Variants in ANKRD30BL observed in about 807,000 individuals in gnomAD.
ANKRD30BL encodes the protein ankyrin repeat domain 30B like.
A neutral mutation model predicts 18.4 loss-of-function variants in ANKRD30BL; 20 were observed. That is an observed-to-expected ratio of 1.09 (90% CI 0.77 to 1.58). The LOEUF (loss-of-function observed/expected upper bound fraction) is 1.58, where lower values mean the gene tolerates loss of function less well. Among genes scored for constraint, ANKRD30BL ranks in the 40% most tolerant of loss-of-function variants. The pLI is 0.00. For missense variants in ANKRD30BL, 224 were observed against 268.6 expected, an observed-to-expected ratio of 0.83 and a Z score of 1.16; for synonymous variants, 72 against 100.9, an observed-to-expected ratio of 0.71 and a Z score of 1.72.
intron 1 of ANKRD30BL, among the ~76,000 whole-genome samples, chr2:132,184,257 T>C (rs1688526321): frequency 6.6e-6 from 1 of 152,180 alleles, no homozygotes; most frequent in Non-Finnish European, 1.5e-5. Context: ...GTGTCTGCGA[T>C]AATATTTTGT....
chr2:132,177,202 G>A (rs2104944975), intron 1 of ANKRD30BL, among the ~76,000 whole-genome samples: 1 of 151,862 alleles, frequency 6.6e-6, no homozygotes, highest in East Asian at 1.9e-4. Context: ...TCACCCAGGT[G>A]GAGTGCAATG....
chr2:132,211,325 C>T (rs78447815), intron 1 of ANKRD30BL, among the ~76,000 whole-genome samples: 1 of 151,914 alleles, frequency 6.6e-6, no homozygotes, highest in East Asian at 2.0e-4. Context: ...AGTTTTGAAA[C>T]ACTCTTTATG....
chr2:132,221,868 G>T (rs1354880695), intron 1 of ANKRD30BL, among the ~76,000 whole-genome samples: 1 of 123,050 alleles, frequency 8.1e-6, no homozygotes, highest in South Asian at 2.4e-4. Context: ...GGAGGGGGGA[G>T]GGGGAGTCAG....
At chr2:132,238,431 G>T (rs1680221382) in intron 1 of ANKRD30BL, among the ~76,000 whole-genome samples, 1 of 151,802 alleles carries the variant, frequency 6.6e-6, no homozygotes, top group Admixed American at 6.6e-5. Context: ...TGCCTTCTCT[G>T]GGAACGGGTA....
intron 1 of ANKRD30BL, among the ~76,000 whole-genome samples, chr2:132,175,470 A>C (rs925371911): frequency 1.3e-5 from 2 of 152,378 alleles, no homozygotes; most frequent in African/African-American, 4.8e-5. Flanking sequence ...AGAATTGAAC[A>C]AATGTAAAAT....
intron 1 of ANKRD30BL, among the ~76,000 whole-genome samples, chr2:132,254,335 G>C (rs1053803780): frequency 2.0e-5 from 3 of 152,154 alleles, no homozygotes; most frequent in East Asian, 1.9e-4. Context: ...CCGTGGCTTC[G>C]CTCTTCTCTG....
At chr2:132,201,739 C>A (rs1679103234) in intron 1 of ANKRD30BL, among the ~76,000 whole-genome samples, 1 of 152,182 alleles carries the variant, frequency 6.6e-6, no homozygotes, top group Non-Finnish European at 1.5e-5. Context: ...TGTGGTGATT[C>A]CTCAGAGATC....
At chr2:132,150,615 A>T (rs2104915797) in intron 5 of ANKRD30BL, among the ~76,000 whole-genome samples, 1 of 152,032 alleles carries the variant, frequency 6.6e-6, no homozygotes, top group Admixed American at 6.5e-5. Flanking sequence ...TAAACTTAAA[A>T]ATTGTTTTAC....
At chr2:132,161,296 C>T (rs968602841) in intron 1 of ANKRD30BL, among the ~76,000 whole-genome samples, 192 bp downstream of exon 1, 1 of 152,142 alleles carries the variant, frequency 6.6e-6, no homozygotes, top group African/African-American at 2.4e-5. Context: ...TGCAGGGCGC[C>T]CTCATCCAAG....
intron 1 of ANKRD30BL, among the ~76,000 whole-genome samples, chr2:132,190,967 CAACTT>C (rs1159022102): frequency 3.9e-5 from 6 of 152,068 alleles, no homozygotes; most frequent in Middle Eastern, 3.4e-3. Flanking sequence ...TTTTAAAAGT[CAACTT>C]AACTGAGGTT....
chr2:132,157,365 C>T lies in ANKRD30BL; in HGVS notation c.277G>A (p.Asp93Asn). Residue 93 changes from aspartate (D) to asparagine (N), a missense_variant, in exon 2 of 6, where the codon GAT becomes AAT. Coordinates refer to ENST00000409867, the MANE Select transcript of ANKRD30BL (RefSeq NM_001358416.1). ...AGGACGTCAAGCTGACACTTTCTAT[C>T]TACCAGAAGTGTTACTACTTCTGCA... is the stretch of plus-strand genomic sequence containing the variant. ...GHAEVVTLLVDRKCQLDVLDG... is the reference protein window; with the variant it reads ...GHAEVVTLLVNRKCQLDVLDG... 1.3e-6 allele frequency: 1 copy of T among 752,282 alleles called. No homozygotes were observed. Among genetic ancestry groups the T allele is most frequent in the East Asian group, 2.5e-5 (1 of 39,682 alleles). The allele number at this position is 752,282 out of a possible 1,614,324, so 46.6% of individuals were successfully genotyped here.
intron 1 of ANKRD30BL, among the ~76,000 whole-genome samples, chr2:132,190,024 C>G (rs1678813057): frequency 6.6e-6 from 1 of 151,832 alleles, no homozygotes; most frequent in Non-Finnish European, 1.5e-5. Context: ...GTTAACAAAT[C>G]TTGAAGTCTG....
intron 1 of ANKRD30BL, among the ~76,000 whole-genome samples, chr2:132,220,684 G>A (rs1679649976): frequency 6.6e-6 from 1 of 152,148 alleles, no homozygotes; most frequent in Non-Finnish European, 1.5e-5. Context: ...GGCCAAGGCT[G>A]GAGTGCAGTG....
At chr2:132,166,428 A>T (rs576883968), upstream of ANKRD30BL, among the ~76,000 whole-genome samples, 75 of 122,320 alleles carry the variant, frequency 6.1e-4, 1 homozygote, top group East Asian at 0.012. Flanking sequence ...GCCTGGAAAC[A>T]TTGGGGGGGT....
intron 1 of ANKRD30BL, among the ~76,000 whole-genome samples, chr2:132,214,259 C>G (rs913986866): frequency 3.3e-5 from 5 of 152,030 alleles, no homozygotes; most frequent in Non-Finnish European, 5.9e-5. Context: ...AGTTTTGAAA[C>G]ACTCTTTTTG....
chr2:132,223,475 A>T (rs1474618882), intron 1 of ANKRD30BL, among the ~76,000 whole-genome samples: 3 of 152,140 alleles, frequency 2.0e-5, no homozygotes, highest in Non-Finnish European at 2.9e-5. Flanking sequence ...AGACAGAAGG[A>T]TTCTCAGAAA....
chr2:132,177,692 T>C (rs1355010285), intron 1 of ANKRD30BL, among the ~76,000 whole-genome samples: 2 of 152,248 alleles, frequency 1.3e-5, no homozygotes, highest in Non-Finnish European at 2.9e-5. Context: ...ATACTGGATT[T>C]CAATATAGCA....
chr2:132,187,507 G>C (rs1688588842), intron 1 of ANKRD30BL, among the ~76,000 whole-genome samples: 1 of 151,620 alleles, frequency 6.6e-6, no homozygotes, highest in African/African-American at 2.4e-5. Flanking sequence ...GTAGAGGCGG[G>C]TTTTCACCGT....
upstream of ANKRD30BL, among the ~76,000 whole-genome samples, chr2:132,162,724 G>T (rs62161668): frequency 0.048 from 5,494 of 113,786 alleles, no homozygotes; most frequent in African/African-American, 0.074. Flanking sequence ...GTAGCCGTGT[G>T]GCACACGCCC....
Sources: allele counts gnomAD v4.1 joint callset (sites outside exome capture counted in the v4.1 genomes callset), GRCh38; gene constraint gnomAD v4.1.1; transcripts MANE v1.5; gene names NCBI Gene and HGNC (gene_info 2026-07-23, HGNC 2026-07-21).